CTIF: variants seen among roughly 807,000 people sequenced by gnomAD.
CTIF encodes cap binding complex dependent translation initiation factor.
In CTIF, 21 loss-of-function variants were observed where a neutral mutation model predicts 66.0. That is an observed-to-expected ratio of 0.32 (90% CI 0.23 to 0.46). The LOEUF is 0.46. Among genes scored for constraint, CTIF ranks in the 20% least tolerant of loss-of-function variants. CTIF has a pLI of 1.00. For missense variants in CTIF, 739 were observed against 812.7 expected, an observed-to-expected ratio of 0.91 and a Z score of 1.10; for synonymous variants, 345 against 326.4, an observed-to-expected ratio of 1.06 and a Z score of -0.62.
At chr18:48,732,082 C>T (rs559686224) in intron 7 of CTIF, among the ~76,000 whole-genome samples, 1 of 152,342 alleles carries the variant, frequency 6.6e-6, no homozygotes, top group South Asian at 2.1e-4. Context: ...ATGAAGTTTC[C>T]ATTCCTACCT....
chr18:48,693,818 A>G (rs1045545845), intron 6 of CTIF, among the ~76,000 whole-genome samples: 1 of 152,202 alleles, frequency 6.6e-6, no homozygotes, highest in Non-Finnish European at 1.5e-5. Context: ...TGTTTTTGCC[A>G]TACAGCTGCA....
At chr18:48,830,617 GA>G (rs1435058349) in intron 10 of CTIF, among the ~76,000 whole-genome samples, 1 of 152,184 alleles carries the variant, frequency 6.6e-6, no homozygotes, top group African/African-American at 2.4e-5. Flanking sequence ...TGCTTACTGG[GA>G]AAAAATGTGG....
intron 7 of CTIF, among the ~76,000 whole-genome samples, chr18:48,739,737 A>G (rs1307003555): frequency 6.6e-6 from 1 of 152,204 alleles, no homozygotes; most frequent in East Asian, 1.9e-4. Flanking sequence ...TGTGGGGCAC[A>G]GCTCTGTCAT....
At chr18:48,610,913 T>C (rs2090296578) in intron 1 of CTIF, among the ~76,000 whole-genome samples, 1 of 152,148 alleles carries the variant, frequency 6.6e-6, no homozygotes, top group African/African-American at 2.4e-5. Context: ...TATTTAGGAG[T>C]ATCTGTCATG....
intron 1 of CTIF, among the ~76,000 whole-genome samples, chr18:48,589,175 G>A (rs2089837029): frequency 6.6e-6 from 1 of 152,192 alleles, no homozygotes; most frequent in Non-Finnish European, 1.5e-5. Context: ...CAACCTGGGG[G>A]GCTTAAGACA....
chr18:48,793,021 T>C (rs1302132119), intron 9 of CTIF, among the ~76,000 whole-genome samples: 1 of 152,192 alleles, frequency 6.6e-6, no homozygotes, highest in Non-Finnish European at 1.5e-5. Flanking sequence ...TGAGGATCTA[T>C]GGTACAAAGG....
At chr18:48,766,172 G>C (rs1355865342) in intron 9 of CTIF, among the ~76,000 whole-genome samples, 2 of 143,978 alleles carry the variant, frequency 1.4e-5, no homozygotes. Context: ...TAGGTCAGGG[G>C]TTCTCAAACC....
chr18:48,565,339 A>G (rs980882073), intron 1 of CTIF: 1 of 152,142 alleles, frequency 6.6e-6, no homozygotes, highest in African/African-American at 2.4e-5. Flanking sequence ...AACAGCTGAG[A>G]AATCGCTGGT....
At chr18:48,646,264 C>T (rs979839131) in intron 3 of CTIF, among the ~76,000 whole-genome samples, 6 of 149,686 alleles carry the variant, frequency 4.0e-5, no homozygotes, top group South Asian at 4.2e-4. Flanking sequence ...TGACATTTTT[C>T]ACTGAAGACG....
chr18:48,617,686 C>T (rs552159644), intron 1 of CTIF, among the ~76,000 whole-genome samples: 1 of 152,318 alleles, frequency 6.6e-6, no homozygotes, highest in South Asian at 2.1e-4. Flanking sequence ...GCCTGTGGCC[C>T]TTGCCACCAG....
chr18:48,803,648 G>A (rs552612016), intron 9 of CTIF, among the ~76,000 whole-genome samples: 1 of 152,226 alleles, frequency 6.6e-6, no homozygotes, highest in East Asian at 1.9e-4. Flanking sequence ...ATGACCACAT[G>A]ACCTGGTTCT....
Position 48,817,260 on chromosome 18 carries a change from G to A in CTIF, c.1411G>A (p.Val471Met), listed in dbSNP as rs770452538. Reference sequence around the variant, plus strand: ...GCGCGAGGAGCTGCAGCAGCAGGACGTGGAGCGCTGGCTGGGCTTCATCAC... The same window carrying A: ...GCGCGAGGAGCTGCAGCAGCAGGACATGGAGCGCTGGCTGGGCTTCATCAC... ...TVREELQQQDVERWLGFITFL... is the reference protein window; with the variant it reads ...TVREELQQQDMERWLGFITFL... The change falls in exon 10 of 12, where the codon GTG (valine) becomes ATG (methionine). Residue 471 changes from valine (V) to methionine (M), a missense_variant. By Grantham distance (21) the Val-to-Met change is conservative. Transcript: ENST00000256413. The A allele has an allele frequency of 8.7e-6, 14 of 1,613,888 alleles. No homozygotes were observed. The highest frequency in any genetic ancestry group is 5.3e-5 in the African/African-American group (4 of 74,944).
At position 48,850,140 on chromosome 18, in the gene CTIF, T is replaced by C. The variant is rs569601866; in HGVS notation, c.1528-7448T>C. On this transcript the variant is annotated intron_variant, in intron 10 of 11. Coordinates refer to ENST00000256413, the MANE Select transcript of CTIF (RefSeq NM_014772.3). The stretch of plus-strand genomic sequence containing the variant: ...TGTTTGTTCTTCTGTGCCTGACTTA[T>C]TTCACTTAGCATAATGTCTTCGGGG... Among the ~76,000 whole-genome samples the C allele has an allele frequency of 9.8e-5, 15 of 152,344 alleles. No individual in the cohort carries two copies. In the South Asian group the frequency reaches 2.1e-3, roughly 21 times the overall value.
At chr18:48,660,702 C>A (rs1351517123) in intron 3 of CTIF, among the ~76,000 whole-genome samples, 1 of 152,254 alleles carries the variant, frequency 6.6e-6, no homozygotes, top group Non-Finnish European at 1.5e-5. Context: ...ACAGCTGCTG[C>A]CAGTGACTGT....
intron 10 of CTIF, among the ~76,000 whole-genome samples, chr18:48,854,429 G>C (rs2069279427): frequency 6.6e-6 from 1 of 152,154 alleles, no homozygotes; most frequent in African/African-American, 2.4e-5. Context: ...TTTAACCAAA[G>C]AGGGGCCTGA....
At chr18:48,793,509 A>G (rs1324984124) in intron 9 of CTIF, among the ~76,000 whole-genome samples, 2 of 152,122 alleles carry the variant, frequency 1.3e-5, no homozygotes, top group Admixed American at 1.3e-4. Flanking sequence ...TTTAGCGCCC[A>G]CTATATTTTG....
chr18:48,637,759 T>G (rs139082687), intron 3 of CTIF, among the ~76,000 whole-genome samples: 2 of 152,048 alleles, frequency 1.3e-5, no homozygotes, highest in Admixed American at 1.3e-4. Flanking sequence ...AAAATGTGCT[T>G]GTACGTCTTG....
intron 10 of CTIF, among the ~76,000 whole-genome samples, chr18:48,854,200 C>T (rs1192718542): frequency 6.6e-6 from 1 of 151,966 alleles, no homozygotes; most frequent in East Asian, 1.9e-4. Context: ...GTGGAATGTG[C>T]ATGGGGGGGA....
intron 9 of CTIF, among the ~76,000 whole-genome samples, chr18:48,786,354 G>A (rs760990018): frequency 1.3e-5 from 2 of 152,166 alleles, no homozygotes; most frequent in Admixed American, 6.5e-5. Context: ...TAAGCCCAGC[G>A]GTGGGCACTG....
Sources: allele counts gnomAD v4.1 joint callset (sites outside exome capture counted in the v4.1 genomes callset), GRCh38; gene constraint gnomAD v4.1.1; transcripts MANE v1.5; gene names NCBI Gene and HGNC (gene_info 2026-07-23, HGNC 2026-07-21).